The following RSRC1 variants were observed in gnomAD, a reference collection of about 807,000 sequenced individuals.
RSRC1 encodes arginine and serine rich coiled-coil 1.
RSRC1 carries 39 observed loss-of-function variants against 49.1 expected under a neutral mutation model. That is an observed-to-expected ratio of 0.79 (90% CI 0.61 to 1.04). RSRC1 has a LOEUF of 1.04. Ranked by LOEUF, RSRC1 falls within the 50% of genes least tolerant of loss-of-function variation. RSRC1 has a pLI of 0.00. For synonymous variants in RSRC1, 143 were observed against 130.8 expected, an observed-to-expected ratio of 1.09 and a Z score of -0.63; for missense variants, 388 against 402.4, an observed-to-expected ratio of 0.96 and a Z score of 0.31.
intron 5 of RSRC1, among the ~76,000 whole-genome samples, chr3:158,322,025 A>G (rs1728793066): frequency 6.6e-6 from 1 of 151,300 alleles, no homozygotes; most frequent in Non-Finnish European, 1.5e-5. Flanking sequence ...ATATGTATTC[A>G]CATATTTACT....
chr3:158,532,766 A>G (rs1265607692), intron 7 of RSRC1, among the ~76,000 whole-genome samples: 1 of 151,852 alleles, frequency 6.6e-6, no homozygotes, highest in Non-Finnish European at 1.5e-5. Context: ...TTAAAAAATC[A>G]TCAAGTACTA....
chr3:158,331,353 CTCTTT>C (rs1293077511), intron 5 of RSRC1, among the ~76,000 whole-genome samples: 1 of 152,096 alleles, frequency 6.6e-6, no homozygotes, highest in African/African-American at 2.4e-5. Flanking sequence ...CTTTTTTGTT[CTCTTT>C]TAAGAATTAG....
At chr3:158,339,186 G>T (rs1395556897) in intron 5 of RSRC1, among the ~76,000 whole-genome samples, 1 of 151,854 alleles carries the variant, frequency 6.6e-6, no homozygotes, top group East Asian at 1.9e-4. Flanking sequence ...CAGCTATTCT[G>T]GAGGCTGAGG....
intron 6 of RSRC1, among the ~76,000 whole-genome samples, chr3:158,355,531 G>A (rs566749187): frequency 6.6e-6 from 1 of 151,922 alleles, no homozygotes; most frequent in East Asian, 1.9e-4. Flanking sequence ...TAACTCACTG[G>A]ACTGTATGTT....
At chr3:158,510,157 A>T (rs898103410) in intron 7 of RSRC1, among the ~76,000 whole-genome samples, 16 of 152,184 alleles carry the variant, frequency 1.1e-4, no homozygotes, top group African/African-American at 2.9e-4. Context: ...GATGACTATA[A>T]AATGTTATCT....
intron 7 of RSRC1, among the ~76,000 whole-genome samples, chr3:158,497,131 CTG>C: frequency 6.6e-6 from 1 of 152,132 alleles, no homozygotes; most frequent in Non-Finnish European, 1.5e-5. Flanking sequence ...TATATTCACA[CTG>C]TTGTACAACA....
At chr3:158,406,654 CA>C (rs1231533462) in intron 6 of RSRC1, among the ~76,000 whole-genome samples, 3 of 151,914 alleles carry the variant, frequency 2.0e-5, no homozygotes, top group African/African-American at 7.2e-5. Context: ...AATCAGAAAC[CA>C]TGCTCAGAGC....
chr3:158,505,708 C>T (rs1739829544), intron 7 of RSRC1, among the ~76,000 whole-genome samples: 1 of 150,744 alleles, frequency 6.6e-6, no homozygotes, highest in Admixed American at 6.6e-5. Flanking sequence ...GTCAGACTTA[C>T]ATAGGTTCAA....
intron 4 of RSRC1, among the ~76,000 whole-genome samples, chr3:158,240,281 G>C (rs1469159169): frequency 6.6e-6 from 1 of 152,024 alleles, no homozygotes; most frequent in African/African-American, 2.4e-5. Flanking sequence ...GTTTTTGGTA[G>C]TTAACCTTTC....
chr3:158,443,094 A>C (rs1736474914), intron 6 of RSRC1, among the ~76,000 whole-genome samples: 1 of 152,148 alleles, frequency 6.6e-6, no homozygotes, highest in Admixed American at 6.6e-5. Flanking sequence ...GAGCACAGGC[A>C]GAGTAGATTT....
At chr3:158,241,596 G>T (rs1355439545) in intron 4 of RSRC1, among the ~76,000 whole-genome samples, 2 of 151,868 alleles carry the variant, frequency 1.3e-5, no homozygotes, top group African/African-American at 4.8e-5. Flanking sequence ...TAAAAAATCA[G>T]CCGGGTTAAG....
intron 7 of RSRC1, among the ~76,000 whole-genome samples, chr3:158,466,579 G>T (rs1737901164): frequency 6.6e-6 from 1 of 152,188 alleles, no homozygotes; most frequent in South Asian, 2.1e-4. Context: ...GGAATCAATT[G>T]TGCTCTACTT....
intron 7 of RSRC1, among the ~76,000 whole-genome samples, chr3:158,510,024 T>G (rs1740069720): frequency 6.6e-6 from 1 of 152,212 alleles, no homozygotes; most frequent in Non-Finnish European, 1.5e-5. Context: ...TCCAAAGTGA[T>G]TGATGCCAGT....
chr3:158,528,050 C>T (rs1712153520), intron 7 of RSRC1, among the ~76,000 whole-genome samples: 1 of 151,480 alleles, frequency 6.6e-6, no homozygotes, highest in African/African-American at 2.4e-5. Flanking sequence ...TAGAGATTTA[C>T]ATAGAGGCAT....
intron 6 of RSRC1, among the ~76,000 whole-genome samples, chr3:158,396,854 C>T (rs1239152491): frequency 1.3e-5 from 2 of 152,110 alleles, no homozygotes; most frequent in African/African-American, 4.8e-5. Flanking sequence ...ATCTGCCAAG[C>T]ATTACATTAA....
intron 3 of RSRC1, chr3:158,136,911 G>T (rs1716414464): frequency 6.6e-6 from 1 of 152,066 alleles, no homozygotes; most frequent in African/African-American, 2.4e-5. Flanking sequence ...AGTACAAGAG[G>T]TTATCAATTC....
At chr3:158,227,112 A>C (rs899862002) in intron 4 of RSRC1, among the ~76,000 whole-genome samples, 2 of 151,902 alleles carry the variant, frequency 1.3e-5, no homozygotes, top group African/African-American at 4.8e-5. Flanking sequence ...GGTAATATCT[A>C]AGGTTTCCTT....
intron 6 of RSRC1, among the ~76,000 whole-genome samples, chr3:158,445,670 A>G (rs1736670467): frequency 6.6e-6 from 1 of 152,130 alleles, no homozygotes; most frequent in African/African-American, 2.4e-5. Context: ...CAACGAAAAA[A>G]ACGAAGTATG....
chr3:158,253,709 T>G (rs1332511943), intron 4 of RSRC1, among the ~76,000 whole-genome samples: 2 of 152,160 alleles, frequency 1.3e-5, no homozygotes, highest in Non-Finnish European at 2.9e-5. Context: ...TCTCTTTAGG[T>G]CTAATAAAAC....
Sources: allele counts gnomAD v4.1 joint callset (sites outside exome capture counted in the v4.1 genomes callset), GRCh38; gene constraint gnomAD v4.1.1; transcripts MANE v1.5; gene names NCBI Gene and HGNC (gene_info 2026-07-23, HGNC 2026-07-21).